The following TMEM132D variants were observed in gnomAD, a reference collection of about 807,000 sequenced individuals.
TMEM132D encodes mature OL transmembrane protein.
TMEM132D carries 21 observed loss-of-function variants against 62.3 expected under a neutral mutation model. The observed-to-expected ratio is 0.34, with a 90% CI of 0.24 to 0.49. The LOEUF is 0.49. Ranked by LOEUF, TMEM132D falls within the 20% of genes least tolerant of loss-of-function variation. TMEM132D has a pLI of 0.99. For synonymous variants in TMEM132D, 621 were observed against 575.6 expected, an observed-to-expected ratio of 1.08 and a Z score of -1.13; for missense variants, 1,346 against 1,402.8, an observed-to-expected ratio of 0.96 and a Z score of 0.65.
intron 1 of TMEM132D, among the ~76,000 whole-genome samples, chr12:129,850,863 A>C (rs1425082875): frequency 1.3e-5 from 2 of 152,224 alleles, no homozygotes; most frequent in Non-Finnish European, 2.9e-5. Flanking sequence ...ACACAAAATA[A>C]ATACTTTTCT....
At chr12:129,667,768 T>C (rs1290810296) in intron 2 of TMEM132D, among the ~76,000 whole-genome samples, 1 of 152,132 alleles carries the variant, frequency 6.6e-6, no homozygotes, top group African/African-American at 2.4e-5. Flanking sequence ...AAATATGAAA[T>C]GGTGCTTAGC....
intron 3 of TMEM132D, among the ~76,000 whole-genome samples, chr12:129,387,494 C>A (rs79331724): frequency 5.3e-5 from 8 of 151,902 alleles, no homozygotes; most frequent in Admixed American, 4.6e-4. Flanking sequence ...CTAACACTAA[C>A]GTTAATGCCA....
chr12:129,243,983 G>T (rs1488537554), intron 4 of TMEM132D, among the ~76,000 whole-genome samples: 1 of 152,100 alleles, frequency 6.6e-6, no homozygotes, highest in East Asian at 1.9e-4. Flanking sequence ...GAATCTCAGG[G>T]GGAGGAAGTG....
intron 1 of TMEM132D, among the ~76,000 whole-genome samples, chr12:129,801,260 G>A (rs530493961): frequency 6.6e-6 from 1 of 152,298 alleles, no homozygotes; most frequent in Admixed American, 6.5e-5. Flanking sequence ...TCCACCTCTG[G>A]GGGCAGGGCA....
At chr12:129,317,446 G>T (rs1347715573) in intron 4 of TMEM132D, among the ~76,000 whole-genome samples, 1 of 152,142 alleles carries the variant, frequency 6.6e-6, no homozygotes, top group African/African-American at 2.4e-5. Flanking sequence ...TAATTATTTT[G>T]TTTGAGGAGG....
At position 129,311,867 on chromosome 12, in the gene TMEM132D, A is replaced by G. The variant is rs188195396; in HGVS notation, c.1299+25767T>C. 1.4e-3 allele frequency among the ~76,000 whole-genome samples: 208 copies of G among 152,294 alleles called. 1 individual carries two copies. Among genetic ancestry groups the G allele is most frequent in the Admixed American group, 3.7e-3 (57 of 15,292 alleles). Reference sequence around the variant, plus strand: ...AGAGAGCGTCTAGGGCTCACCAGCAAAGGAGTCAGTTTTAGGAGATGAGAT... The same window carrying G: ...AGAGAGCGTCTAGGGCTCACCAGCAGAGGAGTCAGTTTTAGGAGATGAGAT... On this transcript the variant is annotated intron_variant, in intron 4 of 8. Transcript: ENST00000422113.
At chr12:129,121,751 TA>T (rs1415695871) in intron 5 of TMEM132D, among the ~76,000 whole-genome samples, 1 of 152,196 alleles carries the variant, frequency 6.6e-6, no homozygotes, top group African/African-American at 2.4e-5. Flanking sequence ...TGTGGAGGGA[TA>T]AAGATGATCA....
chr12:129,689,861 A>T (rs1369272611), intron 2 of TMEM132D, among the ~76,000 whole-genome samples: 1 of 152,226 alleles, frequency 6.6e-6, no homozygotes, highest in Non-Finnish European at 1.5e-5. Context: ...TTCTTACAAG[A>T]AAAAGGAGGA....
Position 129,903,505 on chromosome 12 carries a change from C to G in TMEM132D, c.-166G>C. 3.0e-6 allele frequency: 2 copies of G among 675,190 alleles called. No individual in the cohort carries two copies. The highest frequency in any genetic ancestry group is 1.9e-5 in the South Asian group (1 of 51,740). 41.8% of individuals were successfully genotyped at this position (675,190 alleles called of 1,614,324 possible). On this transcript the variant is annotated 5_prime_UTR_variant, in exon 1 of 9. Coordinates refer to ENST00000422113, the MANE Select transcript of TMEM132D (RefSeq NM_133448.3). The surrounding 1 kb of genome is among the most constrained non-coding windows in gnomAD (Gnocchi z 6.2). Reference sequence around the variant, plus strand: ...GCTCCCTCTTCCCGCCAGTCCATGGCCAGGCCGGGAGGCGACGACCGCGCG... The same window carrying G: ...GCTCCCTCTTCCCGCCAGTCCATGGGCAGGCCGGGAGGCGACGACCGCGCG...
intron 4 of TMEM132D, among the ~76,000 whole-genome samples, chr12:129,273,528 C>T (rs952013143): frequency 6.6e-6 from 1 of 151,352 alleles, no homozygotes; most frequent in Admixed American, 6.6e-5. Flanking sequence ...GGTGCCCAGC[C>T]ATGGTGGACT....
intron 2 of TMEM132D, among the ~76,000 whole-genome samples, chr12:129,613,603 C>T (rs955165412): frequency 1.3e-5 from 2 of 152,368 alleles, no homozygotes; most frequent in South Asian, 2.1e-4. Context: ...AGGAAGCATA[C>T]GGATGTGGCT....
At chr12:129,435,428 G>T (rs533336128) in intron 3 of TMEM132D, among the ~76,000 whole-genome samples, 1 of 152,264 alleles carries the variant, frequency 6.6e-6, no homozygotes, top group Admixed American at 6.5e-5. Flanking sequence ...CTAATTTACA[G>T]TCCCACCAAC....
intron 1 of TMEM132D, among the ~76,000 whole-genome samples, chr12:129,886,999 AC>A (rs901487726): frequency 2.0e-5 from 3 of 151,834 alleles, no homozygotes; most frequent in African/African-American, 7.3e-5. Flanking sequence ...AGTCAATTAA[AC>A]CTCTTTCCTT....
chr12:129,217,535 G>C (rs1879239402), intron 4 of TMEM132D, among the ~76,000 whole-genome samples: 1 of 152,168 alleles, frequency 6.6e-6, no homozygotes. Context: ...AATTGGCTCG[G>C]GGAAGGCATC....
Position 129,337,441 on chromosome 12 carries a change from GCACACA to G in TMEM132D, c.1299+187_1299+192del, listed in dbSNP as rs34583805. ...TAGATATAGATATAGATACACACAC[GCACACA>G]CACACACACACACACACACACACAC... is the stretch of plus-strand genomic sequence containing the variant. On this transcript the variant is annotated intron_variant, in intron 4 of 8. Transcript: ENST00000422113. Among the ~76,000 whole-genome samples, 496 of 148,222 alleles carry G rather than the reference GCACACA, an allele frequency of 3.3e-3. 1 individual carries two copies. Among genetic ancestry groups the G allele is most frequent in the African/African-American group, 7.3e-3 (297 of 40,422 alleles).
At chr12:129,883,019 C>G (rs1211614735) in intron 1 of TMEM132D, among the ~76,000 whole-genome samples, 14 of 152,104 alleles carry the variant, frequency 9.2e-5, no homozygotes, top group Admixed American at 9.2e-4. Flanking sequence ...TCTGGGGACC[C>G]TGGCCAGTGC....
At chr12:129,324,157 C>G (rs921694758) in intron 4 of TMEM132D, among the ~76,000 whole-genome samples, 2 of 152,136 alleles carry the variant, frequency 1.3e-5, no homozygotes, top group South Asian at 4.1e-4. Flanking sequence ...TATGGTGATA[C>G]TGTCCCCATG....
At chr12:129,395,922 T>C (rs1871414514) in intron 3 of TMEM132D, among the ~76,000 whole-genome samples, 1 of 146,750 alleles carries the variant, frequency 6.8e-6, no homozygotes, top group African/African-American at 2.5e-5. Flanking sequence ...TACATTATAT[T>C]ATACACATAC....
chr12:129,842,804 A>G (rs560647924), intron 1 of TMEM132D, among the ~76,000 whole-genome samples: 5 of 152,220 alleles, frequency 3.3e-5, no homozygotes, highest in African/African-American at 1.2e-4. Context: ...AGCATTGCCG[A>G]TCTCCCCTTT....
Sources: allele counts gnomAD v4.1 joint callset (sites outside exome capture counted in the v4.1 genomes callset), GRCh38; gene constraint gnomAD v4.1.1; non-coding constraint Gnocchi (gnomAD v3.1); transcripts MANE v1.5; gene names NCBI Gene and HGNC (gene_info 2026-07-23, HGNC 2026-07-21).